Variants in PHACTR2 observed in about 807,000 individuals in gnomAD.
PHACTR2 encodes phosphatase and actin regulator 2, also known as chromosome 6 open reading frame 56.
PHACTR2 carries 30 observed loss-of-function variants against 76.0 expected under a neutral mutation model. That is an observed-to-expected ratio of 0.39 (90% confidence interval 0.30 to 0.54). The LOEUF is 0.54. Ranked by LOEUF, PHACTR2 falls within the 20% of genes least tolerant of loss-of-function variation. The probability of loss-of-function intolerance (pLI) is 0.61; values close to 1 mark genes in which losing one functional copy is unlikely to be tolerated. For missense variants in PHACTR2, 696 were observed against 781.1 expected (o/e 0.89, Z 1.30); for synonymous variants, 292 against 292.5 (o/e 1.00, Z 0.02).
At chr6:143,690,661 CT>C (rs1189609672) in intron 1 of PHACTR2, among the ~76,000 whole-genome samples, 1 of 152,152 alleles carries the variant, frequency 6.6e-6, no homozygotes. Context: ...TAGTTTTTCT[CT>C]TTAGCAGATA....
chr6:143,582,957 G>C (rs909182523), intron 1 of PHACTR2, among the ~76,000 whole-genome samples: 6 of 152,096 alleles, frequency 3.9e-5, no homozygotes, highest in Non-Finnish European at 7.4e-5. Flanking sequence ...ATAAATAATA[G>C]CTTTCACAAA....
chr6:143,718,764 A>G (rs1778360723), intron 2 of PHACTR2, among the ~76,000 whole-genome samples: 2 of 152,166 alleles, frequency 1.3e-5, no homozygotes, highest in Admixed American at 6.6e-5. Context: ...GGCGAAGTTA[A>G]AGGATTTGCT....
chr6:143,806,048 A>G lies in PHACTR2; in HGVS notation c.1846-1009A>G, dbSNP rs1776055539. 6.6e-6 allele frequency among the ~76,000 whole-genome samples: 1 copy of G among 152,220 alleles called. No homozygotes were observed. The highest frequency in any genetic ancestry group is 1.5e-5 in the Non-Finnish European group (1 of 68,046). ...GAAGAGTCCATTTTGCCTAGAGGTTACAGGGGTGTTTTTATTAGCACCTTT... is the reference window on the plus strand; with the variant it reads ...GAAGAGTCCATTTTGCCTAGAGGTTGCAGGGGTGTTTTTATTAGCACCTTT... On this transcript the variant is annotated intron_variant, in intron 11 of 12. Coordinates refer to ENST00000440869, the MANE Select transcript of PHACTR2 (RefSeq NM_001100164.2). The surrounding 1 kb of genome is among the most constrained non-coding windows in gnomAD (Gnocchi z 5.8).
intron 1 of PHACTR2, among the ~76,000 whole-genome samples, chr6:143,588,681 A>G (rs754743667): frequency 6.6e-6 from 1 of 152,234 alleles, no homozygotes; most frequent in Non-Finnish European, 1.5e-5. Flanking sequence ...AGTTCTATGA[A>G]AAGACTGATG....
chr6:143,670,037 G>C (rs935593915), intron 1 of PHACTR2, among the ~76,000 whole-genome samples: 1 of 152,160 alleles, frequency 6.6e-6, no homozygotes, highest in Admixed American at 6.6e-5. Flanking sequence ...CTCTTGTAAG[G>C]CAGGCTGGTA....
chr6:143,635,012 G>A lies in PHACTR2; in HGVS notation c.13+26690G>A, dbSNP rs554930564. 1.3e-5 allele frequency among the ~76,000 whole-genome samples: 2 copies of A among 152,154 alleles called. 1 individual carries two copies. Among genetic ancestry groups the A allele is most frequent in the East Asian group, 3.9e-4 (2 of 5,176 alleles). On this transcript the variant is annotated intron_variant, in intron 1 of 11. Coordinates refer to the PHACTR2 transcript ENST00000305766. ...AACATGTATCTACTCTAAGAAAAAT[G>A]AACTTTCTTAGGGTCACTATTATCA...
rs1775609863 is a variant in PHACTR2, at chr6:143,788,713, T to A, written c.1708-60T>A. 11 of 1,480,772 alleles carry A rather than the reference T, an allele frequency of 7.4e-6. 1 individual carries two copies. Among genetic ancestry groups the A allele is most frequent in the Middle Eastern group, 4.9e-4 (2 of 4,064 alleles). 91.7% of individuals were successfully genotyped at this position (1,480,772 alleles called of 1,614,324 possible). A position where few individuals can be genotyped will look rare whatever the true frequency, so the allele number is the denominator to read the frequency against. ...TTTGAAGTGTTCTCTATAGAAAACT[T>A]GCCACCATGAGGCTGTAAGTGGTTT... On this transcript the variant is annotated intron_variant, in intron 10 of 12. Transcript: ENST00000440869.
intron 6 of PHACTR2, among the ~76,000 whole-genome samples, chr6:143,771,168 A>ATATGTG (rs1562300694): frequency 1.7e-3 from 49 of 28,022 alleles, no homozygotes; most frequent in African/African-American, 8.3e-3. Context: ...GTATATATAT[A>ATATGTG]TATATGTATA....
rs1428295482 is a variant in PHACTR2, at chr6:143,765,856, C to T, written c.1232+58C>T. On this transcript the variant is annotated intron_variant, in intron 6 of 12. Coordinates refer to ENST00000440869, the MANE Select transcript of PHACTR2 (RefSeq NM_001100164.2). The surrounding 1 kb of genome is among the most constrained non-coding windows in gnomAD (Gnocchi z 4.1). ...GAGAACTAAAGATCACTAATATATT[C>T]TGTTGGAAATGAAGCACCGGGTTTG... The T allele has an allele frequency of 1.4e-6, 2 of 1,418,830 alleles. No homozygotes were observed. The highest frequency in any genetic ancestry group is 4.6e-5 in the East Asian group (2 of 43,570). 87.9% of individuals were successfully genotyped at this position (1,418,830 alleles called of 1,614,324 possible).
intron 1 of PHACTR2, among the ~76,000 whole-genome samples, chr6:143,634,847 G>A (rs916790548): frequency 2.0e-5 from 3 of 152,152 alleles, no homozygotes; most frequent in African/African-American, 7.2e-5. Context: ...TGCCTTCATG[G>A]GATCTCATAG....
rs567293433 is a variant in PHACTR2, at chr6:143,598,580, G to A, written c.217+61373G>A. Among the ~76,000 whole-genome samples, 2 of 152,344 alleles carry A rather than the reference G, an allele frequency of 1.3e-5. No individual in the cohort carries two copies. The highest frequency in any genetic ancestry group is 2.4e-5 in the African/African-American group (1 of 41,586). ...ATAGGAAAGGAAAGTAAAAGCAGAA[G>A]TGTGGGCCAGGGAGGGATCGCAGTC... On this transcript the variant is annotated intron_variant, in intron 1 of 11. Coordinates refer to the PHACTR2 transcript ENST00000367584. The surrounding 1 kb of genome is among the most constrained non-coding windows in gnomAD (Gnocchi z 4.1).
chr6:143,692,502 T>A (rs1003172217), intron 1 of PHACTR2, among the ~76,000 whole-genome samples: 1 of 152,160 alleles, frequency 6.6e-6, no homozygotes, highest in Non-Finnish European at 1.5e-5. Context: ...TGACTGCCAA[T>A]TTTTTAAAGA....
chr6:143,674,387 T>C (rs972480840), upstream of PHACTR2, among the ~76,000 whole-genome samples: 10 of 152,242 alleles, frequency 6.6e-5, no homozygotes, highest in African/African-American at 2.2e-4. The surrounding 1 kb of genome is among the most constrained non-coding windows in gnomAD (Gnocchi z 4.9). Context: ...GGAAAACTGC[T>C]AAGTTTTCAT....
rs888321802 is a variant in PHACTR2 at position 143,624,200 on chromosome 6, G to C, written c.13+15878G>C. Among the ~76,000 whole-genome samples, 2 of 151,992 alleles carry C rather than the reference G, an allele frequency of 1.3e-5. No individual in the cohort carries two copies. Among genetic ancestry groups the C allele is most frequent in the Non-Finnish European group, 2.9e-5 (2 of 68,014 alleles). On this transcript the variant is annotated intron_variant, in intron 1 of 11. Transcript: ENST00000305766. The surrounding 1 kb of genome is among the most constrained non-coding windows in gnomAD (Gnocchi z 4.6). ...CGGCTCATTACAACCTCTGCCCCCT[G>C]GGTTGAAGCAATTCTCCTGCCTCAG...
Position 143,616,852 on chromosome 6 carries a change from G to C in PHACTR2, c.13+8530G>C, listed in dbSNP as rs554565925. On this transcript the variant is annotated intron_variant, in intron 1 of 11. Transcript: ENST00000305766. The surrounding 1 kb of genome is among the most constrained non-coding windows in gnomAD (Gnocchi z 4.9). ...TAAGGAATGAAAAGGAATCAGCCAC[G>C]TGAGAGCCAGGGTAAAAATGTGTCA... Among the ~76,000 whole-genome samples, 1 of 152,152 alleles carries C rather than the reference G, an allele frequency of 6.6e-6. No individual in the cohort carries two copies. Among genetic ancestry groups the C allele is most frequent in the African/African-American group, 2.4e-5 (1 of 41,442 alleles).
chr6:143,685,336 A>T (rs1453476431), intron 1 of PHACTR2, among the ~76,000 whole-genome samples: 1 of 152,058 alleles, frequency 6.6e-6, no homozygotes, highest in Non-Finnish European at 1.5e-5. Flanking sequence ...ATTTAATTAT[A>T]TATGGAAAAT....
At chr6:143,567,715 C>T (rs1293955550) in intron 1 of PHACTR2, among the ~76,000 whole-genome samples, 3 of 152,144 alleles carry the variant, frequency 2.0e-5, no homozygotes, top group African/African-American at 4.8e-5. Flanking sequence ...TTTGAAATGC[C>T]AGTCTGCATC....
rs757692733 is a variant in PHACTR2 at position 143,710,509 on chromosome 6, A to G, written c.47-1507A>G. ...GGAGTTCAAGACCAGCCTGGGCAAC[A>G]TGGTGAAACCCCGTCTCTACTAAAA... is the stretch of plus-strand genomic sequence containing the variant. On this transcript the variant is annotated intron_variant, in intron 1 of 12. Coordinates refer to ENST00000440869, the MANE Select transcript of PHACTR2 (RefSeq NM_001100164.2). This position sits in a 1 kb window ranked among gnomAD's most constrained non-coding sequence, Gnocchi z 4.9. Among the ~76,000 whole-genome samples the G allele has an allele frequency of 6.6e-6, 1 of 152,182 alleles. No individual in the cohort carries two copies. Among genetic ancestry groups the G allele is most frequent in the Non-Finnish European group, 1.5e-5 (1 of 68,022 alleles).
intron 1 of PHACTR2, among the ~76,000 whole-genome samples, chr6:143,560,756 G>A (rs926495248): frequency 6.6e-6 from 1 of 152,130 alleles, no homozygotes; most frequent in Non-Finnish European, 1.5e-5. Flanking sequence ...TCGCTGGGGA[G>A]GGAGCGGAAC....
Sources: gnomAD v4.1 joint callset for allele counts (sites outside exome capture counted in the v4.1 genomes callset) on GRCh38, gnomAD v4.1.1 for gene constraint, Gnocchi (gnomAD v3.1) non-coding constraint, MANE v1.5 for transcripts, NCBI Gene and HGNC (gene_info 2026-07-23, HGNC 2026-07-21) for gene names.